Variants in DPP10 observed in about 807,000 individuals in gnomAD.
DPP10 encodes the protein inactive dipeptidyl peptidase 10.
DPP10 carries 33 observed loss-of-function variants against 120.9 expected under a neutral mutation model. That is an observed-to-expected ratio of 0.27 (90% confidence interval 0.21 to 0.37). The LOEUF (loss-of-function observed/expected upper bound fraction) is 0.37, where lower values mean the gene tolerates loss of function less well. Ranked by LOEUF, DPP10 falls within the 10% of genes least tolerant of loss-of-function variation. DPP10 has a pLI of 1.00. For missense variants in DPP10, 816 were observed against 942.8 expected (o/e 0.87, Z 1.76); for synonymous variants, 337 against 326.1 (o/e 1.03, Z -0.36).
intron 1 of DPP10, among the ~76,000 whole-genome samples, chr2:114,698,163 A>G (rs1003326186): frequency 6.6e-6 from 1 of 152,042 alleles, no homozygotes; most frequent in African/African-American, 2.4e-5. Context: ...TGCTCTTATA[A>G]CATCATTAAC....
In DPP10 at chr2:114,979,476, A is replaced by G. The variant is rs372822029; in HGVS notation, c.61-329763A>G. Among the ~76,000 whole-genome samples the G allele has an allele frequency of 2.8e-4, 43 of 152,094 alleles. 1 individual carries two copies. The East Asian group carries it at 4.4e-3, about 16-fold the overall frequency. ...TTGGTAGGCTTTCTCTATTCTTGCT[A>G]TAGATTTGTACTCAGTTATCTTAAA... On this transcript the variant is annotated intron_variant, in intron 1 of 25. Transcript: ENST00000410059.
At chr2:114,936,555 A>G (rs993198123) in intron 1 of DPP10, among the ~76,000 whole-genome samples, 2 of 152,082 alleles carry the variant, frequency 1.3e-5, no homozygotes, top group Non-Finnish European at 2.9e-5. Context: ...ATAAACATGC[A>G]TGTGCAAGTA....
chr2:115,426,090 C>T (rs111780140), intron 3 of DPP10, among the ~76,000 whole-genome samples: 15 of 137,674 alleles, frequency 1.1e-4, no homozygotes, highest in South Asian at 5.2e-4. Flanking sequence ...GTGCCACCTC[C>T]GACGCTGGAG....
chr2:114,477,925 ATG>A (rs1295638698), intron 1 of DPP10, among the ~76,000 whole-genome samples: 4 of 150,292 alleles, frequency 2.7e-5, no homozygotes, highest in South Asian at 2.1e-4. Context: ...ATGTGTATAT[ATG>A]TACATATGTG....
In DPP10 at chr2:114,547,396, T is replaced by C. The variant is rs537689152; in HGVS notation, c.60+104558T>C. Among the ~76,000 whole-genome samples, 131 of 152,014 alleles carry C rather than the reference T, an allele frequency of 8.6e-4. 2 individuals are homozygous for C. The Middle Eastern group carries it at 0.031, about 36-fold the overall frequency. On this transcript the variant is annotated intron_variant, in intron 1 of 25. Transcript: ENST00000410059. ...TGCTCCCAGGGAGTGTGACATTAAA[T>C]AGCAAACAAAAGCACACCATGCAGG...
At chr2:115,167,276 T>C (rs899490616) in intron 1 of DPP10, among the ~76,000 whole-genome samples, 3 of 141,314 alleles carry the variant, frequency 2.1e-5, no homozygotes, top group Non-Finnish European at 4.6e-5. Flanking sequence ...AAAAAAAAAA[T>C]CTGGGCCTGG....
intron 3 of DPP10, among the ~76,000 whole-genome samples, chr2:115,384,707 A>AAAGAAGAAGAAGAAGAAGAAGAAGAAG (rs139572526): frequency 4.0e-4 from 60 of 148,552 alleles, no homozygotes; most frequent in African/African-American, 1.4e-3. Context: ...AAGAAAGAAG[A>AAAGAAGAAGAAGAAGAAGAAGAAGAAG]AAGAAGAAGA....
chr2:115,595,935 T>C (rs1349166764), intron 5 of DPP10, among the ~76,000 whole-genome samples: 2 of 152,134 alleles, frequency 1.3e-5, no homozygotes, highest in Non-Finnish European at 2.9e-5. Flanking sequence ...GTTTTAATTT[T>C]ATTTATTACA....
intron 5 of DPP10, among the ~76,000 whole-genome samples, chr2:115,569,674 C>G (rs1212407069): frequency 2.0e-5 from 3 of 152,162 alleles, no homozygotes; most frequent in African/African-American, 7.2e-5. Flanking sequence ...CTTTATTTAA[C>G]TGACACAATT....
chr2:114,755,952 A>T (rs80105382), intron 1 of DPP10, among the ~76,000 whole-genome samples: 1 of 28,832 alleles, frequency 3.5e-5, no homozygotes, highest in African/African-American at 1.2e-4. Flanking sequence ...GGAAGAAATT[A>T]AAAAAAAAAA....
At chr2:114,841,784 A>G (rs1339986146) in intron 1 of DPP10, among the ~76,000 whole-genome samples, 1 of 152,090 alleles carries the variant, frequency 6.6e-6, no homozygotes, top group Non-Finnish European at 1.5e-5. Context: ...AGCTATACAG[A>G]AATCTGGGAA....
At chr2:114,600,483 G>A (rs1171697320) in intron 1 of DPP10, among the ~76,000 whole-genome samples, 2 of 151,664 alleles carry the variant, frequency 1.3e-5, no homozygotes, top group Non-Finnish European at 3.0e-5. Flanking sequence ...CTGGTTTAAA[G>A]TCCTTCTCTA....
At chr2:114,466,692 C>G (rs1681693424) in intron 1 of DPP10, among the ~76,000 whole-genome samples, 1 of 152,180 alleles carries the variant, frequency 6.6e-6, no homozygotes, top group Non-Finnish European at 1.5e-5. Context: ...CGAATGTGAA[C>G]CATTCTTATT....
intron 3 of DPP10, among the ~76,000 whole-genome samples, chr2:115,390,909 C>T (rs893715428): frequency 6.6e-6 from 1 of 152,136 alleles, no homozygotes; most frequent in Non-Finnish European, 1.5e-5. Flanking sequence ...TCACCGTCAT[C>T]TTGTACTAGT....
At chr2:115,027,399 A>G (rs11889797) in intron 1 of DPP10, among the ~76,000 whole-genome samples, 2,636 of 152,086 alleles carry the variant, frequency 0.017, 73 homozygotes, top group African/African-American at 0.061. Context: ...TTTTGATAAT[A>G]TGATGTATGT....
At chr2:115,696,269 G>A (rs1306973355) in intron 7 of DPP10, among the ~76,000 whole-genome samples, 2 of 151,912 alleles carry the variant, frequency 1.3e-5, no homozygotes. Context: ...AATCCAAATA[G>A]GATGAACTCA....
At chr2:114,746,635 G>A (rs951656501) in intron 1 of DPP10, among the ~76,000 whole-genome samples, 1 of 152,140 alleles carries the variant, frequency 6.6e-6, no homozygotes, top group Admixed American at 6.5e-5. Context: ...GCTATGAAAG[G>A]TTGACCTGAG....
chr2:115,212,084 A>G (rs1198587680), intron 1 of DPP10, among the ~76,000 whole-genome samples: 1 of 152,150 alleles, frequency 6.6e-6, no homozygotes, highest in Non-Finnish European at 1.5e-5. Flanking sequence ...GCCTTTGTCA[A>G]GTACTTGTAC....
At chr2:115,774,729 G>A (rs1681890633) in intron 13 of DPP10, among the ~76,000 whole-genome samples, 4 of 152,052 alleles carry the variant, frequency 2.6e-5, no homozygotes, top group Admixed American at 2.6e-4. Flanking sequence ...GACTACTTAG[G>A]GAGATATTGA....
Sources: gnomAD v4.1 joint callset for allele counts (sites outside exome capture counted in the v4.1 genomes callset) on GRCh38, gnomAD v4.1.1 for gene constraint, MANE v1.5 for transcripts, NCBI Gene and HGNC (gene_info 2026-07-23, HGNC 2026-07-21) for gene names.